Variants in DLGAP2 observed in about 807,000 individuals in gnomAD.
DLGAP2 encodes the protein disks large-associated protein 2.
In DLGAP2, 26 loss-of-function variants were observed where a neutral mutation model predicts 100.3. That is an observed-to-expected ratio of 0.26 (90% confidence interval 0.19 to 0.36). DLGAP2 has a LOEUF of 0.36. Ranked by LOEUF, DLGAP2 falls within the 10% of genes least tolerant of loss-of-function variation. The probability of loss-of-function intolerance (pLI) is 1.00; values close to 1 mark genes in which losing one functional copy is unlikely to be tolerated. For missense variants in DLGAP2, 1,858 were observed against 1,453.2 expected (o/e 1.28, Z -4.53); for synonymous variants, 886 against 630.1 (o/e 1.41, Z -6.08).
At chr8:1,390,117 A>G (rs1796314629) in intron 3 of DLGAP2, among the ~76,000 whole-genome samples, 1 of 151,372 alleles carries the variant, frequency 6.6e-6, no homozygotes. Context: ...TATCAGGCTT[A>G]GAGGAGAAGC....
At chr8:1,110,485 C>T (rs950068116) in intron 2 of DLGAP2, among the ~76,000 whole-genome samples, 5 of 120,938 alleles carry the variant, frequency 4.1e-5, no homozygotes, top group South Asian at 3.0e-4. Context: ...GACATGTGCT[C>T]GGTCTGTGAT....
intron 3 of DLGAP2, among the ~76,000 whole-genome samples, chr8:1,470,409 C>G (rs566851914): frequency 3.3e-5 from 5 of 152,190 alleles, no homozygotes; most frequent in African/African-American, 1.2e-4. Context: ...TCTGAGTGGC[C>G]GATGCAGTGG....
intron 1 of DLGAP2, among the ~76,000 whole-genome samples, chr8:760,635 T>G (rs1179735731): frequency 6.6e-6 from 1 of 152,232 alleles, no homozygotes; most frequent in Non-Finnish European, 1.5e-5. Context: ...GTCCCTTTGC[T>G]GAAACTGACT....
intron 2 of DLGAP2, among the ~76,000 whole-genome samples, chr8:946,207 G>A (rs1401764683): frequency 6.6e-6 from 1 of 151,878 alleles, no homozygotes; most frequent in African/African-American, 2.4e-5. Flanking sequence ...GATCTCCTGG[G>A]ATGTGTATTG....
chr8:1,382,052 C>T (rs981343091), intron 3 of DLGAP2, among the ~76,000 whole-genome samples: 1 of 152,124 alleles, frequency 6.6e-6, no homozygotes, highest in African/African-American at 2.4e-5. Flanking sequence ...GCAACCCCCT[C>T]ATGCAGTCAG....
At chr8:909,676 A>G (rs952976672) in intron 2 of DLGAP2, among the ~76,000 whole-genome samples, 27 of 152,202 alleles carry the variant, frequency 1.8e-4, no homozygotes, top group African/African-American at 6.5e-4. Flanking sequence ...TTTCACTGTC[A>G]TGTCAGCTGT....
intron 2 of DLGAP2, among the ~76,000 whole-genome samples, chr8:1,048,450 G>A (rs1356216866): frequency 6.6e-6 from 1 of 152,014 alleles, no homozygotes; most frequent in Non-Finnish European, 1.5e-5. Flanking sequence ...GGTAGCGACG[G>A]CATCGTCTGT....
At chr8:1,211,611 C>A (rs1374000684) in intron 2 of DLGAP2, among the ~76,000 whole-genome samples, 1 of 152,230 alleles carries the variant, frequency 6.6e-6, no homozygotes, top group Non-Finnish European at 1.5e-5. Context: ...CACAGTGGCA[C>A]ACGCCTGTAA....
intron 6 of DLGAP2, among the ~76,000 whole-genome samples, chr8:1,572,894 G>T (rs1470699754): frequency 7.2e-6 from 1 of 138,800 alleles, no homozygotes; most frequent in Non-Finnish European, 1.5e-5. Flanking sequence ...GGAGAGGAGA[G>T]ATGGTGAACT....
chr8:1,341,158 T>C (rs749277732), intron 3 of DLGAP2, among the ~76,000 whole-genome samples: 4 of 152,072 alleles, frequency 2.6e-5, no homozygotes, highest in Admixed American at 6.6e-5. Flanking sequence ...GGTGATGAAA[T>C]AATCTGTACA....
intron 2 of DLGAP2, among the ~76,000 whole-genome samples, chr8:1,235,581 T>C (rs1157198616): frequency 7.6e-6 from 1 of 131,830 alleles, no homozygotes. Flanking sequence ...CATGGCACCA[T>C]GTCTAGTTCT....
At chr8:949,004 A>G (rs1372454031) in intron 2 of DLGAP2, among the ~76,000 whole-genome samples, 2 of 136,374 alleles carry the variant, frequency 1.5e-5, no homozygotes, top group South Asian at 2.4e-4. Context: ...TGGGAGCAGG[A>G]CCTGTCGGGG....
chr8:1,295,433 A>G (rs1421082589), intron 3 of DLGAP2, among the ~76,000 whole-genome samples: 1 of 152,030 alleles, frequency 6.6e-6, no homozygotes, highest in Non-Finnish European at 1.5e-5. Context: ...GGCCGCCAGG[A>G]GGGGAGGGAA....
At chr8:1,357,005 G>T (rs1303925910) in intron 3 of DLGAP2, among the ~76,000 whole-genome samples, 1 of 152,166 alleles carries the variant, frequency 6.6e-6, no homozygotes, top group East Asian at 1.9e-4. Context: ...AGCGGGGTAG[G>T]GCTCAGAGCT....
At position 755,934 on chromosome 8, in the gene DLGAP2, G is replaced by C. The variant is rs141521301; in HGVS notation, c.18+18109G>C. On this transcript the variant is annotated intron_variant, in intron 1 of 14. Transcript: ENST00000637795. ...AGAGTGTGGGATAATGCTGGGGTGT[G>C]CCCACAGGTGGTCGGGGGATCCAGG... 4.9e-3 allele frequency among the ~76,000 whole-genome samples: 753 copies of C among 152,304 alleles called. 4 individuals are homozygous for C. The highest frequency in any genetic ancestry group is 0.018 in the African/African-American group (728 of 41,558).
In DLGAP2 at chr8:1,580,500, TCA is replaced by T. The variant is rs566589159; in HGVS notation, c.1442+14613_1442+14614del. ...AGCTGCAGAGAGCTATCAAATGTTC[TCA>T]CACACATAGAACCTGAATCCCAGCC... On this transcript the variant is annotated intron_variant, in intron 6 of 14. Coordinates refer to ENST00000637795, the MANE Select transcript of DLGAP2 (RefSeq NM_001346810.2). Among the ~76,000 whole-genome samples, 98 of 152,230 alleles carry T rather than the reference TCA, an allele frequency of 6.4e-4. No homozygotes were observed. The South Asian group carries it at 0.017, about 26-fold the overall frequency.
At chr8:1,241,153 CAT>C (rs1563274430) in intron 2 of DLGAP2, among the ~76,000 whole-genome samples, 1 of 128,870 alleles carries the variant, frequency 7.8e-6, no homozygotes, top group Non-Finnish European at 1.6e-5. Context: ...CACGTGGTGC[CAT>C]GTCTAGTTCT....
intron 3 of DLGAP2, among the ~76,000 whole-genome samples, chr8:1,410,749 G>A (rs1403859529): frequency 6.6e-6 from 1 of 152,056 alleles, no homozygotes; most frequent in Non-Finnish European, 1.5e-5. Flanking sequence ...ATGCTGATTT[G>A]GAACCTGGTT....
intron 2 of DLGAP2, among the ~76,000 whole-genome samples, chr8:1,218,276 G>T (rs187106730): frequency 1.3e-5 from 2 of 152,294 alleles, no homozygotes; most frequent in African/African-American, 2.4e-5. Flanking sequence ...ATGGTAAAAG[G>T]AAGTGGCCCA....
Sources: allele counts gnomAD v4.1 joint callset (sites outside exome capture counted in the v4.1 genomes callset), GRCh38; gene constraint gnomAD v4.1.1; transcripts MANE v1.5; gene names NCBI Gene and HGNC (gene_info 2026-07-23, HGNC 2026-07-21).